Variants in ABI3BP observed in about 807,000 individuals in gnomAD.
ABI3BP encodes ABI family member 3 binding protein.
Under a neutral mutation model 268.6 loss-of-function variants are expected in ABI3BP, and 216 were observed. That is an observed-to-expected ratio of 0.80 (90% CI 0.72 to 0.90). The LOEUF is 0.90. Ranked by LOEUF, ABI3BP falls within the 40% of genes least tolerant of loss-of-function variation. The pLI, the probability that ABI3BP is intolerant of heterozygous loss-of-function variation, is 0.00. For missense variants in ABI3BP, 2,090 were observed against 2,182.4 expected (o/e 0.96, Z 0.84); for synonymous variants, 730 against 730.0 (o/e 1.00, Z 0.00).
intron 4 of ABI3BP, among the ~76,000 whole-genome samples, chr3:100,895,359 C>A (rs1326353237): frequency 1.3e-5 from 2 of 152,088 alleles, no homozygotes; most frequent in Non-Finnish European, 1.5e-5. Flanking sequence ...AAACATGCGC[C>A]ACAAAGGATA....
At chr3:100,801,934 C>A (rs1379629716) in intron 51 of ABI3BP, among the ~76,000 whole-genome samples, 2 of 152,104 alleles carry the variant, frequency 1.3e-5, no homozygotes, top group Non-Finnish European at 2.9e-5. Flanking sequence ...AACGTATTGT[C>A]TTCTAAGACT....
intron 10 of ABI3BP, 79 bp downstream of exon 10, chr3:100,866,800 G>A: frequency 8.2e-7 from 1 of 1,217,732 alleles, no homozygotes; most frequent in Non-Finnish European, 1.2e-6. Flanking sequence ...GCTCTTTACT[G>A]AAAAAAAGAC....
intron 26 of ABI3BP, 101 bp from the exon 27 acceptor site, chr3:100,837,272 T>G (rs1560624240): frequency 1.2e-6 from 1 of 838,262 alleles, no homozygotes; most frequent in Non-Finnish European, 1.7e-6. Flanking sequence ...GAGTCTAGTT[T>G]ATTCTAAATT....
chr3:100,885,421 C>T (rs1581901698), intron 6 of ABI3BP, 115 bp downstream of exon 6: 1 of 513,226 alleles, frequency 1.9e-6, no homozygotes, highest in Admixed American at 4.0e-5. Flanking sequence ...GTACTTTCTC[C>T]ACTGTTTCAT....
chr3:100,825,966 G>A (rs1278333826), intron 34 of ABI3BP, 122 bp from the exon 35 acceptor site: 2 of 731,844 alleles, frequency 2.7e-6, no homozygotes, highest in Non-Finnish European at 4.7e-6. Flanking sequence ...TCTGGGAAGG[G>A]CATTAGGACT....
chr3:100,849,390 ATTTT>A (rs1560791097), intron 17 of ABI3BP, among the ~76,000 whole-genome samples: 6 of 151,998 alleles, frequency 3.9e-5, no homozygotes, highest in Admixed American at 3.9e-4. Flanking sequence ...CGTCCGGCTA[ATTTT>A]TGTATTTTGA....
At chr3:100,882,461 T>A (rs2039821976) in intron 6 of ABI3BP, among the ~76,000 whole-genome samples, 2 of 112,512 alleles carry the variant, frequency 1.8e-5, no homozygotes, top group African/African-American at 6.2e-5. Context: ...TATATATATA[T>A]TTTTTTTGCT....
chr3:100,912,029 C>A, intron 2 of ABI3BP: 1 of 753,888 alleles, frequency 1.3e-6, no homozygotes. Context: ...ACAACTTCAA[C>A]ATCATCCATT....
intron 45 of ABI3BP, among the ~76,000 whole-genome samples, chr3:100,813,147 T>C (rs976284274): frequency 2.0e-5 from 3 of 152,126 alleles, no homozygotes; most frequent in Non-Finnish European, 4.4e-5. Flanking sequence ...TACCAAAGTG[T>C]TGGGATTACA....
Position 100,846,464 on chromosome 3 carries a change from C to T in ABI3BP, c.1649-18G>A, listed in dbSNP as rs2098769760. 6.5e-7 allele frequency: 1 copy of T among 1,541,278 alleles called. No individual in the cohort carries two copies. The highest frequency in any genetic ancestry group is 1.2e-5 in the South Asian group (1 of 83,544). On this transcript the variant is annotated intron_variant, in intron 19 of 67. Transcript: ENST00000471714. ...ACCGGGAGCTGGAAAAATAAAGAAACAAAATAATAAACAAATCAATATTTA... is the reference window on the plus strand; with the variant it reads ...ACCGGGAGCTGGAAAAATAAAGAAATAAAATAATAAACAAATCAATATTTA...
rs142615126 is a variant in ABI3BP at position 100,810,502 on chromosome 3, C to T, written c.3542-25G>A. On this transcript the variant is annotated intron_variant, in intron 48 of 67. Coordinates refer to ENST00000471714, the MANE Select transcript of ABI3BP (RefSeq NM_001375547.2). ...TCTATGGTAATTGAAGGAAAGTACG[C>T]GGGTTACTATAGCACTTGACAGACC... 204 of 1,511,404 alleles carry T rather than the reference C, an allele frequency of 1.3e-4. No homozygotes were observed. In the African/African-American group the frequency reaches 1.5e-3, roughly 11 times the overall value. 93.6% of individuals were successfully genotyped at this position (1,511,404 alleles called of 1,614,324 possible). A position where few individuals can be genotyped will look rare whatever the true frequency, so the allele number is the denominator to read the frequency against.
intron 2 of ABI3BP, among the ~76,000 whole-genome samples, chr3:100,922,739 C>A (rs777837791): frequency 1.6e-4 from 25 of 152,148 alleles, no homozygotes; most frequent in Non-Finnish European, 3.4e-4. Context: ...CCTGCCCACA[C>A]CTTGATTTTA....
chr3:100,795,087 C>A, intron 53 of ABI3BP, 84 bp from the exon 54 acceptor site: 1 of 823,572 alleles, frequency 1.2e-6, no homozygotes, highest in South Asian at 2.8e-5. Context: ...GAAATTCCTT[C>A]ATTTGAAGTA....
At chr3:100,947,271 A>G (rs1035314266) in intron 1 of ABI3BP, among the ~76,000 whole-genome samples, 3 of 152,160 alleles carry the variant, frequency 2.0e-5, no homozygotes, top group Non-Finnish European at 2.9e-5. Flanking sequence ...GTGGCTTGGC[A>G]TCATTGCCTA....
chr3:100,947,108 A>T (rs942929001), intron 1 of ABI3BP, among the ~76,000 whole-genome samples: 3 of 152,198 alleles, frequency 2.0e-5, no homozygotes, highest in African/African-American at 7.2e-5. Context: ...GGTAATAATT[A>T]AAACATTTTG....
At chr3:100,817,810 G>A (rs377001881) in intron 41 of ABI3BP, among the ~76,000 whole-genome samples, 183 of 152,240 alleles carry the variant, frequency 1.2e-3, no homozygotes, top group African/African-American at 4.1e-3. Flanking sequence ...ATTGAAAAAG[G>A]CGTTTATCAG....
chr3:100,841,882 T>C, intron 21 of ABI3BP, 116 bp downstream of exon 21: 1 of 873,102 alleles, frequency 1.1e-6, no homozygotes, highest in East Asian at 2.8e-5. Flanking sequence ...AAAACGAGAG[T>C]GAAACTTCAT....
intron 34 of ABI3BP, among the ~76,000 whole-genome samples, chr3:100,827,946 A>G (rs1335809481): frequency 6.6e-6 from 1 of 152,156 alleles, no homozygotes; most frequent in African/African-American, 2.4e-5. Flanking sequence ...TCATACATTA[A>G]CAAAATAACA....
intron 54 of ABI3BP, among the ~76,000 whole-genome samples, chr3:100,794,314 C>T (rs184975182): frequency 3.9e-5 from 6 of 152,020 alleles, no homozygotes; most frequent in Non-Finnish European, 7.4e-5. Flanking sequence ...AACTTTTAAA[C>T]CCTCTACGCC....
Sources: gnomAD v4.1 joint callset for allele counts (sites outside exome capture counted in the v4.1 genomes callset) on GRCh38, gnomAD v4.1.1 for gene constraint, MANE v1.5 for transcripts, NCBI Gene and HGNC (gene_info 2026-07-23, HGNC 2026-07-21) for gene names.